The following ZNF229 variants were observed in gnomAD, a reference collection of about 807,000 sequenced individuals.
ZNF229 encodes the protein zinc finger protein 229.
Under a neutral mutation model 11.8 loss-of-function variants are expected in ZNF229, and 10 were observed. That is an observed-to-expected ratio of 0.85 (90% CI 0.52 to 1.44). The LOEUF (loss-of-function observed/expected upper bound fraction) is 1.44, where lower values mean the gene tolerates loss of function less well. ZNF229 is among the 40% of genes most tolerant of loss of function. The pLI, the probability that ZNF229 is intolerant of heterozygous loss-of-function variation, is 0.00. For missense variants in ZNF229, 1,045 were observed against 1,015.1 expected, an observed-to-expected ratio of 1.03 and a Z score of -0.40; for synonymous variants, 368 against 374.8, an observed-to-expected ratio of 0.98 and a Z score of 0.21.
At chr19:44,438,349 A>G (rs1971849711) in intron 4 of ZNF229, among the ~76,000 whole-genome samples, 1 of 152,264 alleles carries the variant, frequency 6.6e-6, no homozygotes, top group South Asian at 2.1e-4. Context: ...TTTGCCACAT[A>G]TCCTCCATCA....
intron 4 of ZNF229, 149 bp downstream of exon 4, chr19:44,442,414 G>T: frequency 1.3e-6 from 1 of 765,570 alleles, no homozygotes; most frequent in Non-Finnish European, 2.1e-6. Flanking sequence ...CATACTATCT[G>T]TCTCACATCA....
intron 4 of ZNF229, among the ~76,000 whole-genome samples, chr19:44,435,004 C>G (rs1239774712): frequency 6.6e-6 from 1 of 152,126 alleles, no homozygotes; most frequent in Non-Finnish European, 1.5e-5. Context: ...CCTCCACAGC[C>G]TCTCTTGCCT....
chr19:44,443,073 A>G (rs1971944537), intron 2 of ZNF229, 49 bp from the exon 3 acceptor site: 1 of 599,624 alleles, frequency 1.7e-6, no homozygotes, highest in South Asian at 2.1e-5. Context: ...CTGGGCCCCA[A>G]GGCTGTGGTT....
intron 4 of ZNF229, among the ~76,000 whole-genome samples, chr19:44,436,184 G>C (rs965187348): frequency 6.6e-6 from 1 of 152,100 alleles, no homozygotes; most frequent in Non-Finnish European, 1.5e-5. Context: ...ATCAGCCTGG[G>C]CAACATGGCA....
At chr19:44,436,760 C>G (rs1256168725) in intron 4 of ZNF229, among the ~76,000 whole-genome samples, 1 of 152,112 alleles carries the variant, frequency 6.6e-6, no homozygotes, top group Non-Finnish European at 1.5e-5. Context: ...CACAGCGAGA[C>G]TGTGTCTTAA....
At chr19:44,439,308 T>A (rs1055379355) in intron 4 of ZNF229, among the ~76,000 whole-genome samples, 2 of 152,128 alleles carry the variant, frequency 1.3e-5, no homozygotes, top group Non-Finnish European at 2.9e-5. Context: ...GACATTTACA[T>A]CATAGAATTT....
rs779890132 is a variant in ZNF229, at chr19:44,429,588, A to C, written c.1193T>G (p.Val398Gly). Reference sequence around the variant, plus strand: ...TTTATATGGTTTCTCTCCAGTGTGGACCCTCTGATGGACAAGCAGGTTTGA... The same window carrying C: ...TTTATATGGTTTCTCTCCAGTGTGGCCCCTCTGATGGACAAGCAGGTTTGA... The part of the protein sequence containing the change: ...RSSNLLVHQR[V>G]HTGEKPYKCS... The change falls in exon 6 of 6, where the codon GTC becomes GGC. Residue 398 changes from valine to glycine, a missense_variant. Val to Gly is a moderately radical substitution (Grantham distance 109). Transcript: ENST00000614049. 3.1e-5 allele frequency: 50 copies of C among 1,613,822 alleles called. No individual in the cohort carries two copies. Among genetic ancestry groups the C allele is most frequent in the Non-Finnish European group, 3.9e-5 (46 of 1,180,012 alleles).
chr19:44,433,876 C>A (rs1483521865), intron 4 of ZNF229, among the ~76,000 whole-genome samples: 1 of 152,168 alleles, frequency 6.6e-6, no homozygotes, highest in African/African-American at 2.4e-5. Context: ...AAGTGATTCT[C>A]CTGTCTCAGC....
rs1389680676 is a variant in ZNF229, at chr19:44,428,153, G to C, written c.*150C>G. The C allele has an allele frequency of 1.2e-6, 1 of 823,712 alleles. No individual in the cohort carries two copies. Among genetic ancestry groups the C allele is most frequent in the Non-Finnish European group, 1.9e-6 (1 of 538,556 alleles). 51.0% of individuals were successfully genotyped at this position (823,712 alleles called of 1,614,324 possible). A position where few individuals can be genotyped will look rare whatever the true frequency, so the allele number is the denominator to read the frequency against. ...TGCTAACCTATTTATCACACATCCA[G>C]GTGTTCCCTTCCTATGCAGACTAGA... On this transcript the variant is annotated 3_prime_UTR_variant, in exon 6 of 6. Coordinates refer to ENST00000614049, the MANE Select transcript of ZNF229 (RefSeq NM_014518.4).
At chr19:44,435,748 C>G (rs778604138) in intron 4 of ZNF229, among the ~76,000 whole-genome samples, 8 of 152,172 alleles carry the variant, frequency 5.3e-5, no homozygotes, top group Non-Finnish European at 1.0e-4. Context: ...AAAACTGGAT[C>G]TAAATTCTGA....
intron 4 of ZNF229, among the ~76,000 whole-genome samples, chr19:44,433,347 TGATATTTG>T (rs1971757549): frequency 6.6e-6 from 1 of 152,122 alleles, no homozygotes; most frequent in South Asian, 2.1e-4. Flanking sequence ...GGTGAGCCAC[TGATATTTG>T]GATATTTGCC....
intron 2 of ZNF229, among the ~76,000 whole-genome samples, chr19:44,445,823 C>T (rs1021049714): frequency 2.0e-5 from 3 of 152,130 alleles, no homozygotes; most frequent in Non-Finnish European, 2.9e-5. Context: ...AATGGGAGAA[C>T]GGGAGTAACC....
chr19:44,438,425 C>T (rs1047447661), intron 4 of ZNF229, among the ~76,000 whole-genome samples: 3 of 152,092 alleles, frequency 2.0e-5, no homozygotes, highest in Non-Finnish European at 4.4e-5. Flanking sequence ...GCAAAAATTG[C>T]TATGATTTCT....
At chr19:44,431,688 G>T in intron 5 of ZNF229, 2 of 904,796 alleles carry the variant, frequency 2.2e-6, no homozygotes, top group Non-Finnish European at 1.3e-6. Flanking sequence ...TGAGGAATGG[G>T]ACCTCCTGTG....
chr19:44,434,609 T>A (rs1334146561), intron 4 of ZNF229, among the ~76,000 whole-genome samples: 1 of 152,222 alleles, frequency 6.6e-6, no homozygotes, highest in Non-Finnish European at 1.5e-5. Flanking sequence ...CTGTCTTCAC[T>A]TGGACAGTGG....
rs1182800093 is a variant in ZNF229 at position 44,430,132 on chromosome 19, A to T, written c.649T>A (p.Trp217Arg). The part of the protein sequence containing the change: ...DTEDTVYKCN[W>R]DDDSFCWISC... ...ATCCAGCAAAAGCTGTCATCATCCC[A>T]GTTACATTTATATACTGTGTCTTCT... is the stretch of plus-strand genomic sequence containing the variant. Residue 217 changes from tryptophan (W) to arginine (R), a missense_variant, in exon 6 of 6, where the codon TGG (tryptophan) becomes AGG (arginine). Transcript: ENST00000614049. 1.2e-6 allele frequency: 2 copies of T among 1,614,096 alleles called. No homozygotes were observed. The highest frequency in any genetic ancestry group is 1.7e-6 in the Non-Finnish European group (2 of 1,180,020).
chr19:44,441,606 T>C (rs900936994), intron 4 of ZNF229, among the ~76,000 whole-genome samples: 4 of 152,118 alleles, frequency 2.6e-5, no homozygotes, highest in Non-Finnish European at 5.9e-5. Flanking sequence ...AAAGAACGAA[T>C]GAAACTACAA....
In ZNF229 at chr19:44,427,238, A is replaced by ACCCCCCCCCC. The variant is rs34703374; in HGVS notation, c.*1055_*1064dup. 8.6e-6 allele frequency: 1 copy of ACCCCCCCCCC among 116,686 alleles called. No homozygotes were observed. The allele number at this position is 116,686 out of a possible 1,614,324, so 7.2% of individuals were successfully genotyped here. A position where few individuals can be genotyped will look rare whatever the true frequency, so the allele number is the denominator to read the frequency against. On this transcript the variant is annotated 3_prime_UTR_variant, in exon 6 of 6. Transcript: ENST00000614049. ...CAAACCATATCAGACTGTTTCTACAACCCCCCCCCCCGCCCCCACTGATGG... is the reference window on the plus strand; with the variant it reads ...CAAACCATATCAGACTGTTTCTACAACCCCCCCCCCCCCCCCCCCCCGCCCCCACTGATGG...
Position 44,428,355 on chromosome 19 carries a change from G to A in ZNF229, c.2426C>T (p.Ser809Leu), listed in dbSNP as rs772774366. ...GVCGKGFSYT[S>L]GLRNHQRVHL... ...CACTCTTTGGTGGTTCCGCAGACCT[G>A]AGGTATAACTGAAGCCTTTCCCACA... The change falls in exon 6 of 6, where the codon TCA becomes TTA. Residue 809 changes from serine to leucine, a missense_variant. Transcript: ENST00000614049. The A allele has an allele frequency of 3.1e-6, 5 of 1,613,902 alleles. No homozygotes were observed. The highest frequency in any genetic ancestry group is 2.2e-5 in the East Asian group (1 of 44,894).
Sources: allele counts gnomAD v4.1 joint callset (sites outside exome capture counted in the v4.1 genomes callset), GRCh38; gene constraint gnomAD v4.1.1; transcripts MANE v1.5; gene names NCBI Gene and HGNC (gene_info 2026-07-23, HGNC 2026-07-21).